Variants in RPAP2 observed in about 807,000 individuals in gnomAD.
The protein encoded by RPAP2 is RNA polymerase II associated protein 2.
A neutral mutation model predicts 73.1 loss-of-function variants in RPAP2; 52 were observed. That is an observed-to-expected ratio of 0.71 (90% CI 0.57 to 0.90). The LOEUF (loss-of-function observed/expected upper bound fraction) is 0.90. RPAP2 is among the 40% of genes least tolerant of loss of function. RPAP2 has a pLI of 0.00. For missense variants in RPAP2, 598 were observed against 701.8 expected, an observed-to-expected ratio of 0.85 and a Z score of 1.67; for synonymous variants, 225 against 242.1, an observed-to-expected ratio of 0.93 and a Z score of 0.65.
At chr1:92,334,709 G>A (rs998439511) in intron 9 of RPAP2, among the ~76,000 whole-genome samples, 11 of 151,944 alleles carry the variant, frequency 7.2e-5, no homozygotes, top group Non-Finnish European at 1.2e-4. Flanking sequence ...AAATTCGGCC[G>A]AGTGCAGTGG....
At chr1:92,345,425 G>GAGGA (rs1232415438) in intron 10 of RPAP2, among the ~76,000 whole-genome samples, 18 of 133,760 alleles carry the variant, frequency 1.3e-4, no homozygotes, top group Non-Finnish European at 2.6e-4. Flanking sequence ...GAAAGAAAGA[G>GAGGA]AGGAAGGAAG....
At chr1:92,334,832 A>G (rs966024658) in intron 9 of RPAP2, among the ~76,000 whole-genome samples, 4 of 151,854 alleles carry the variant, frequency 2.6e-5, no homozygotes, top group Non-Finnish European at 1.5e-5. Flanking sequence ...TAAAAATACA[A>G]AAAAAATTAG....
chr1:92,344,835 T>A lies in RPAP2; in HGVS notation c.1620-1011T>A, dbSNP rs543230546. 3.9e-5 allele frequency among the ~76,000 whole-genome samples: 6 copies of A among 152,310 alleles called. No individual in the cohort carries two copies. In the East Asian group the frequency reaches 1.2e-3, roughly 29 times the overall value. On this transcript the variant is annotated intron_variant, in intron 10 of 12. Coordinates refer to ENST00000610020, the MANE Select transcript of RPAP2 (RefSeq NM_024813.3). ...TCTCAAATTATTAGTGAGATTGAGC[T>A]TTTCAAATTTCACGGTCCATTTCAA...
chr1:92,332,824 G>T (rs1449904851), intron 8 of RPAP2, among the ~76,000 whole-genome samples: 1 of 152,114 alleles, frequency 6.6e-6, no homozygotes, highest in African/African-American at 2.4e-5. Context: ...TAGAAAATTA[G>T]TGCTCTATCT....
intron 11 of RPAP2, among the ~76,000 whole-genome samples, chr1:92,357,993 C>T (rs1654562885): frequency 6.6e-6 from 1 of 152,190 alleles, no homozygotes; most frequent in South Asian, 2.1e-4. Flanking sequence ...GTGGCGTGAT[C>T]ATAGCCCACT....
chr1:92,334,042 C>T (rs1247838974), intron 9 of RPAP2, among the ~76,000 whole-genome samples: 1 of 152,120 alleles, frequency 6.6e-6, no homozygotes, highest in African/African-American at 2.4e-5. Context: ...TCAAAAAGAA[C>T]TTGAAGGTTT....
At chr1:92,345,081 T>G (rs1183204130) in intron 10 of RPAP2, among the ~76,000 whole-genome samples, 1 of 152,198 alleles carries the variant, frequency 6.6e-6, no homozygotes, top group Admixed American at 6.5e-5. Flanking sequence ...AAAGACCTAT[T>G]CTTATAATTT....
intron 2 of RPAP2, 24 bp downstream of exon 2, chr1:92,300,263 A>G: frequency 6.4e-7 from 1 of 1,569,048 alleles, no homozygotes; most frequent in Non-Finnish European, 8.8e-7. Context: ...ATGGACAACT[A>G]CATTGGCATA....
chr1:92,381,009 A>G, intron 12 of RPAP2, 136 bp downstream of exon 12: 1 of 660,570 alleles, frequency 1.5e-6, no homozygotes, highest in South Asian at 2.2e-5. Context: ...GAAGGACATG[A>G]TATCCCTTAG....
chr1:92,382,789 A>T (rs1387343647), intron 12 of RPAP2, among the ~76,000 whole-genome samples: 4 of 151,458 alleles, frequency 2.6e-5, no homozygotes, highest in African/African-American at 9.7e-5. Flanking sequence ...CCCATTTGTC[A>T]ATTTTGGCTT....
At position 92,323,802 on chromosome 1, in the gene RPAP2, A is replaced by G. The variant is rs765204239; in HGVS notation, c.882A>G (p.Lys294=). Residue 294 remains lysine, a synonymous_variant, in exon 8 of 13, where the codon AAA becomes AAG. Coordinates refer to ENST00000610020, the MANE Select transcript of RPAP2 (RefSeq NM_024813.3). ...KDATCELPLQ[K]VNTQSSSNST... ...CTACATGTGAACTTCCTTTACAGAA[A>G]GTAAATACTCAGAGTTCTTCAAATA... is the stretch of plus-strand genomic sequence containing the variant. 3.7e-6 allele frequency: 6 copies of G among 1,614,006 alleles called. No homozygotes were observed. The highest frequency in any genetic ancestry group is 3.3e-5 in the South Asian group (3 of 91,090).
intron 3 of RPAP2, 81 bp downstream of exon 3, chr1:92,301,671 T>C: frequency 1.9e-6 from 1 of 535,130 alleles, no homozygotes; most frequent in Non-Finnish European, 3.2e-6. Context: ...TTTGCATTAT[T>C]AGAATCTTTG....
rs1656164919 is a variant in RPAP2 at position 92,395,633 on chromosome 1, C to G, written c.*8622C>G. 1 of 56,800 alleles carries G rather than the reference C, an allele frequency of 1.8e-5. No homozygotes were observed. The allele number at this position is 56,800 out of a possible 1,614,324, so 3.5% of individuals were successfully genotyped here. The stretch of plus-strand genomic sequence containing the variant: ...CCTGGGTGACAGAGTGAGACCCTGT[C>G]TCAAAAAAAAAAAAAAAAAAAAAAA... On this transcript the variant is annotated 3_prime_UTR_variant, in exon 13 of 13. Coordinates refer to ENST00000610020, the MANE Select transcript of RPAP2 (RefSeq NM_024813.3).
chr1:92,304,069 G>C lies in RPAP2; in HGVS notation c.327G>C (p.Leu109=). Reference sequence around the variant, plus strand: ...GTTATCCTTTATGTCAGAAGAAGCTGGGAATTGTAAGTAACTCATTTTTTT... The same window carrying C: ...GTTATCCTTTATGTCAGAAGAAGCTCGGAATTGTAAGTAACTCATTTTTTT... The part of the protein sequence containing the change: ...LCGYPLCQKK[L]GIVPKQKYKI... The change falls in exon 4 of 13, where the codon CTG becomes CTC. Residue 109 remains leucine (L), a synonymous_variant. Transcript: ENST00000610020. The C allele has an allele frequency of 6.2e-7, 1 of 1,602,318 alleles. No homozygotes were observed. The highest frequency in any genetic ancestry group is 8.5e-7 in the Non-Finnish European group (1 of 1,174,428).
intron 9 of RPAP2, among the ~76,000 whole-genome samples, chr1:92,334,774 C>T (rs1191217052): frequency 6.6e-6 from 1 of 152,068 alleles, no homozygotes; most frequent in Non-Finnish European, 1.5e-5. Flanking sequence ...ATCACAAGGT[C>T]AGGAGATCAA....
At chr1:92,312,844 CAG>C (rs1273383202) in intron 6 of RPAP2, among the ~76,000 whole-genome samples, 12 of 150,274 alleles carry the variant, frequency 8.0e-5, no homozygotes, top group Admixed American at 2.7e-4. Flanking sequence ...TTTTTTCAGA[CAG>C]AGTCTCACTC....
At chr1:92,362,906 A>C (rs920082207) in intron 11 of RPAP2, among the ~76,000 whole-genome samples, 1 of 152,176 alleles carries the variant, frequency 6.6e-6, no homozygotes, top group African/African-American at 2.4e-5. Context: ...TTGCTCTAAA[A>C]TACTAAGACT....
chr1:92,303,942 A>T, intron 3 of RPAP2, 35 bp from the exon 4 acceptor site: 1 of 1,433,698 alleles, frequency 7.0e-7, no homozygotes, highest in Non-Finnish European at 9.7e-7. Context: ...TTTTCTATTA[A>T]ACTAGGAGGA....
At chr1:92,300,285 T>G (rs773787544) in intron 2 of RPAP2, 46 bp downstream of exon 2, 54 of 1,413,028 alleles carry the variant, frequency 3.8e-5, no homozygotes, top group Non-Finnish European at 5.2e-5. Context: ...CTACTTATCT[T>G]GTATTACTTG....
Sources: gnomAD v4.1 joint callset for allele counts (sites outside exome capture counted in the v4.1 genomes callset) on GRCh38, gnomAD v4.1.1 for gene constraint, MANE v1.5 for transcripts, NCBI Gene and HGNC (gene_info 2026-07-23, HGNC 2026-07-21) for gene names.